Variants in TF observed in about 807,000 individuals in gnomAD.
TF encodes transferrin.
In TF, 55 loss-of-function variants were observed where a neutral mutation model predicts 82.4. That is an observed-to-expected ratio of 0.67 (90% CI 0.54 to 0.84). TF has a LOEUF of 0.84. Among genes scored for constraint, TF ranks in the 40% least tolerant of loss-of-function variants. The pLI is 0.00. For missense variants in TF, 737 were observed against 868.4 expected (o/e 0.85, Z 1.90); for synonymous variants, 332 against 332.6 (o/e 1.00, Z 0.02).
In TF at chr3:133,775,552, A is replaced by G; in HGVS notation, c.1807A>G (p.Asn603Asp). Reference protein sequence around the residue: ...YANCHLARAPNHAVVTRKDKE... With the variant: ...YANCHLARAPDHAVVTRKDKE... ...GAACTGCCACCTGGCCAGAGCCCCG[A>G]ATCACGCTGTGGTCACACGGAAAGA... The change falls in exon 15 of 17, where the codon AAT (asparagine) becomes GAT (aspartate). Residue 603 changes from asparagine (N) to aspartate (D), a missense_variant. Coordinates refer to ENST00000402696, the MANE Select transcript of TF (RefSeq NM_001063.4). 1 of 1,614,226 alleles carries G rather than the reference A, an allele frequency of 6.2e-7. No homozygotes were observed. Among genetic ancestry groups the G allele is most frequent in the Non-Finnish European group, 8.5e-7 (1 of 1,180,032 alleles).
the TF span, among the ~76,000 whole-genome samples, chr3:133,690,620 G>A: frequency 6.6e-6 from 1 of 152,296 alleles, no homozygotes; most frequent in East Asian, 1.9e-4. Flanking sequence ...GTGTGTTTAT[G>A]GGAAGAGAGA....
chr3:133,713,202 G>C, the TF span, among the ~76,000 whole-genome samples: 1 of 152,238 alleles, frequency 6.6e-6, no homozygotes. Flanking sequence ...TTTAAAAATA[G>C]ATATTCCTGG....
chr3:133,735,676 C>A, the TF span, among the ~76,000 whole-genome samples: 2 of 151,530 alleles, frequency 1.3e-5, no homozygotes, highest in South Asian at 4.2e-4. Context: ...CCAATTGTGC[C>A]GAATTGATCA....
the TF span, among the ~76,000 whole-genome samples, chr3:133,701,419 T>G: frequency 2.0e-5 from 3 of 152,214 alleles, no homozygotes; most frequent in Non-Finnish European, 4.4e-5. Context: ...CTACTGGATC[T>G]CTATGGTTTA....
At chr3:133,688,957 T>C in the TF span, among the ~76,000 whole-genome samples, 1 of 152,218 alleles carries the variant, frequency 6.6e-6, no homozygotes, top group Non-Finnish European at 1.5e-5. Context: ...AATTGTTATC[T>C]CATTTACATT....
Position 133,748,428 on chromosome 3 carries a change from C to A in TF, c.60C>A (p.Val20=), listed in dbSNP as rs756125441. ...VCAVLGLCLA[V]PDKTVRWCAV... ...CTCCCCCAGGGCTGTGTCTGGCTGT[C>A]CCTGATAAAACTGTGAGATGGTGTG... Residue 20 remains valine (V), a synonymous_variant, in exon 2 of 17, where the codon GTC becomes GTA. Coordinates refer to ENST00000402696, the MANE Select transcript of TF (RefSeq NM_001063.4). 5.0e-6 allele frequency: 8 copies of A among 1,614,114 alleles called. No individual in the cohort carries two copies. The East Asian group carries it at 1.8e-4, about 36-fold the overall frequency.
chr3:133,767,222 C>T (rs1021016652), intron 12 of TF, among the ~76,000 whole-genome samples: 10 of 152,144 alleles, frequency 6.6e-5, no homozygotes, highest in Admixed American at 2.0e-4. Context: ...CTCTGAATAC[C>T]ACCAGGTATG....
intron 1 of TF, among the ~76,000 whole-genome samples, chr3:133,747,500 G>A (rs1257831383): frequency 6.6e-6 from 1 of 152,250 alleles, no homozygotes; most frequent in Non-Finnish European, 1.5e-5. Context: ...CTTCTTCAGA[G>A]CCAGTGAGTC....
At chr3:133,663,939 G>C in the TF span, among the ~76,000 whole-genome samples, 3 of 152,342 alleles carry the variant, frequency 2.0e-5, no homozygotes, top group South Asian at 2.1e-4. Context: ...TTCACCACTA[G>C]GGGGCAAGTT....
chr3:133,765,222 T>C lies in TF; in HGVS notation c.1330+315T>C, dbSNP rs8177275. Among the ~76,000 whole-genome samples the C allele has an allele frequency of 8.2e-3, 1,245 of 152,326 alleles. 16 individuals carry two copies. Among genetic ancestry groups the C allele is most frequent in the African/African-American group, 0.028 (1,164 of 41,570 alleles). Reference sequence around the variant, plus strand: ...ACATCTAGGAAGGGAAATCCAGGTCTTTCCCACTGATCCTCACCTGACATG... The same window carrying C: ...ACATCTAGGAAGGGAAATCCAGGTCCTTCCCACTGATCCTCACCTGACATG... On this transcript the variant is annotated intron_variant, in intron 11 of 16. Transcript: ENST00000402696.
In TF at chr3:133,790,410, A is replaced by G. The variant is rs973390198; in HGVS notation, c.*11790A>G. The G allele has an allele frequency of 6.6e-6, 1 of 152,238 alleles. No individual in the cohort carries two copies. The highest frequency in any genetic ancestry group is 1.5e-5 in the Non-Finnish European group (1 of 68,032). The allele number at this position is 152,238 out of a possible 1,614,324, so 9.4% of individuals were successfully genotyped here. On this transcript the variant is annotated 3_prime_UTR_variant, in exon 17 of 17. Transcript: ENST00000402696. ...CCAGAAAGTTTGTGTTATTAGTGAG[A>G]AAAAGAATAATTTAGAAGTTATCTA...
chr3:133,668,607 A>AG, the TF span, among the ~76,000 whole-genome samples: 1 of 152,050 alleles, frequency 6.6e-6, no homozygotes, highest in East Asian at 1.9e-4. Flanking sequence ...AGGGAAAAAA[A>AG]CATGTCTGGA....
chr3:133,754,217 A>G, intron 3 of TF: 1 of 477,348 alleles, frequency 2.1e-6, no homozygotes, highest in Non-Finnish European at 3.8e-6. Flanking sequence ...GTAGGCAGAC[A>G]CGCTGCAGGG....
the TF span, among the ~76,000 whole-genome samples, chr3:133,736,306 A>G: frequency 1.4e-4 from 22 of 152,216 alleles, no homozygotes; most frequent in Non-Finnish European, 2.8e-4. Flanking sequence ...TAGAGGAAGC[A>G]CTAAATATGG....
chr3:133,778,419 C>A (rs1934449447), intron 16 of TF, 167 bp from the exon 17 acceptor site: 2 of 638,526 alleles, frequency 3.1e-6, no homozygotes, highest in Non-Finnish European at 5.5e-6. Flanking sequence ...GGCACAGGAG[C>A]TGTGCAGGCA....
chr3:133,789,919 C>G lies in TF; in HGVS notation c.*11299C>G, dbSNP rs1221271269. On this transcript the variant is annotated 3_prime_UTR_variant, in exon 17 of 17. Coordinates refer to ENST00000402696, the MANE Select transcript of TF (RefSeq NM_001063.4). ...TTTTTTTTTTTTTTTGACAAATGAG[C>G]ATAATTTAATGTTAGCTAAATCTTC... is the stretch of plus-strand genomic sequence containing the variant. The G allele has an allele frequency of 6.5e-5, 7 of 106,964 alleles. No individual in the cohort carries two copies. Among genetic ancestry groups the G allele is most frequent in the Non-Finnish European group, 1.2e-4 (7 of 57,576 alleles). The allele number at this position is 106,964 out of a possible 1,614,324, so 6.6% of individuals were successfully genotyped here. A position where few individuals can be genotyped will look rare whatever the true frequency, so the allele number is the denominator to read the frequency against.
the TF span, among the ~76,000 whole-genome samples, chr3:133,668,494 A>G: frequency 6.6e-6 from 1 of 152,120 alleles, no homozygotes; most frequent in African/African-American, 2.4e-5. Flanking sequence ...AATGATGGCT[A>G]TGGGTCTCCA....
chr3:133,690,773 A>G, the TF span, among the ~76,000 whole-genome samples: 2 of 152,150 alleles, frequency 1.3e-5, no homozygotes, highest in Non-Finnish European at 2.9e-5. Context: ...GTAAAGTGGG[A>G]AAAGGCAAGA....
chr3:133,687,033 G>C, the TF span, among the ~76,000 whole-genome samples: 1 of 152,302 alleles, frequency 6.6e-6, no homozygotes, highest in Non-Finnish European at 1.5e-5. Flanking sequence ...GGATGAGTTT[G>C]TGTCCTTTGT....
Sources: gnomAD v4.1 joint callset for allele counts (sites outside exome capture counted in the v4.1 genomes callset) on GRCh38, gnomAD v4.1.1 for gene constraint, MANE v1.5 for transcripts, NCBI Gene and HGNC (gene_info 2026-07-23, HGNC 2026-07-21) for gene names.